The following SYNE1 variants were observed in gnomAD, a reference collection of about 807,000 sequenced individuals.
SYNE1 encodes the protein spectrin repeat containing nuclear envelope protein 1, also known as nesprin-1.
SYNE1 carries 616 observed loss-of-function variants against 1,111.0 expected under a neutral mutation model. The observed-to-expected ratio is 0.55, with a 90% CI of 0.52 to 0.59. The LOEUF is 0.59. Ranked by LOEUF, SYNE1 falls within the 20% of genes least tolerant of loss-of-function variation. SYNE1 has a pLI of 0.00. For synonymous variants in SYNE1, 3,855 were observed against 3,825.8 expected, an observed-to-expected ratio of 1.01 and a Z score of -0.28; for missense variants, 10,006 against 10,417.0, an observed-to-expected ratio of 0.96 and a Z score of 1.72.
At chr6:152,305,492 T>A (rs1282784523) in intron 91 of SYNE1, among the ~76,000 whole-genome samples, 3 of 152,156 alleles carry the variant, frequency 2.0e-5, no homozygotes, top group Admixed American at 6.5e-5. Context: ...CTCAAACTCC[T>A]GACCTTGTGA....
At chr6:152,605,249 A>C (rs1402775818) in intron 3 of SYNE1, among the ~76,000 whole-genome samples, 1 of 152,172 alleles carries the variant, frequency 6.6e-6, no homozygotes, top group East Asian at 1.9e-4. Context: ...TTTCCACTTG[A>C]ACTTATTTCT....
chr6:152,202,346 C>CAAAAAAAAAAAA (rs35563822), intron 126 of SYNE1, among the ~76,000 whole-genome samples: 3 of 48,034 alleles, frequency 6.2e-5, no homozygotes, highest in East Asian at 7.9e-4. Flanking sequence ...GACTCTGTCT[C>CAAAAAAAAAAAA]AAAAAAAAAA....
chr6:152,305,427 G>A (rs1037875685), intron 91 of SYNE1, among the ~76,000 whole-genome samples: 5 of 151,950 alleles, frequency 3.3e-5, no homozygotes, highest in Non-Finnish European at 5.9e-5. Flanking sequence ...CACCACCCAG[G>A]CTAATTTTTG....
chr6:152,436,817 C>T (rs1260997722), intron 32 of SYNE1, among the ~76,000 whole-genome samples: 1 of 152,058 alleles, frequency 6.6e-6, no homozygotes, highest in African/African-American at 2.4e-5. Context: ...GATTTCTAGG[C>T]CAATGAATAG....
intron 55 of SYNE1, among the ~76,000 whole-genome samples, chr6:152,384,387 T>G (rs1255751788): frequency 6.6e-6 from 1 of 152,070 alleles, no homozygotes; most frequent in East Asian, 1.9e-4. Context: ...GCTGAATAAA[T>G]GGATAGATGG....
At chr6:152,232,482 C>G (rs1281493171) in intron 112 of SYNE1, among the ~76,000 whole-genome samples, 2 of 152,166 alleles carry the variant, frequency 1.3e-5, no homozygotes, top group Non-Finnish European at 2.9e-5. Context: ...ATATCCAATA[C>G]TGTAAACACT....
intron 4 of SYNE1, among the ~76,000 whole-genome samples, chr6:152,535,295 A>G (rs1054553058): frequency 6.6e-6 from 1 of 152,220 alleles, no homozygotes; most frequent in African/African-American, 2.4e-5. Flanking sequence ...TTGTTACGGC[A>G]ATCCCAGCAA....
At chr6:152,460,827 T>G (rs1593172137) in intron 21 of SYNE1, among the ~76,000 whole-genome samples, 1 of 81,418 alleles carries the variant, frequency 1.2e-5, no homozygotes, top group African/African-American at 6.6e-5. Flanking sequence ...TTTTTTTTTT[T>G]TGAGACAAAG....
At chr6:152,168,391 A>G in intron 130 of SYNE1, 1 of 566,286 alleles carries the variant, frequency 1.8e-6, no homozygotes, top group South Asian at 2.3e-5. Context: ...TAAAACCTAC[A>G]TTCATTAACA....
At chr6:152,499,753 C>T (rs996582702) in intron 10 of SYNE1, among the ~76,000 whole-genome samples, 19 of 152,006 alleles carry the variant, frequency 1.2e-4, no homozygotes, top group East Asian at 3.9e-4. Context: ...TAAAAAAGGG[C>T]GAAGCTTCCA....
intron 4 of SYNE1, among the ~76,000 whole-genome samples, chr6:152,539,369 T>C (rs938664417): frequency 6.6e-6 from 1 of 152,188 alleles, no homozygotes; most frequent in Admixed American, 6.5e-5. Flanking sequence ...TATTATACTG[T>C]ATCAAGATTA....
intron 117 of SYNE1, among the ~76,000 whole-genome samples, chr6:152,222,070 TA>T (rs1425503062): frequency 2.0e-5 from 3 of 152,200 alleles, no homozygotes; most frequent in Non-Finnish European, 2.9e-5. Flanking sequence ...ATCACATATT[TA>T]CCCTAATTGG....
chr6:152,485,064 T>C (rs2098932022), intron 12 of SYNE1, 92 bp from the exon 13 acceptor site: 7 of 1,353,570 alleles, frequency 5.2e-6, no homozygotes, highest in Middle Eastern at 2.0e-4. Flanking sequence ...TCTTTTCTAT[T>C]TGGATAACAC....
At chr6:152,443,693 C>T (rs937736075) in intron 30 of SYNE1, among the ~76,000 whole-genome samples, 4 of 152,098 alleles carry the variant, frequency 2.6e-5, no homozygotes, top group Admixed American at 6.6e-5. Flanking sequence ...CACACACAAA[C>T]ATATTATATA....
chr6:152,187,401 T>C (rs1210270238), intron 128 of SYNE1, among the ~76,000 whole-genome samples: 1 of 152,088 alleles, frequency 6.6e-6, no homozygotes, highest in Non-Finnish European at 1.5e-5. Flanking sequence ...AGGATAAGCA[T>C]CTCTAAAGTC....
chr6:152,303,925 A>G (rs551651107), intron 91 of SYNE1, among the ~76,000 whole-genome samples: 2 of 151,342 alleles, frequency 1.3e-5, no homozygotes, highest in South Asian at 4.2e-4. Flanking sequence ...ACACACACAC[A>G]CATTTTGTTA....
chr6:152,402,120 A>G (rs79332217), intron 46 of SYNE1, among the ~76,000 whole-genome samples: 2,115 of 152,168 alleles, frequency 0.014, 46 homozygotes, highest in African/African-American at 0.048. Flanking sequence ...ATAGGCTCAG[A>G]CTGGCAGGAG....
In SYNE1 at chr6:152,282,098, T is replaced by A. The variant is rs1173872535; in HGVS notation, c.18208-118A>T. On this transcript the variant is annotated intron_variant, in intron 96 of 145. Transcript: ENST00000367255. ...ACATAAGAATCACTGGTAAAACTTTTAAAAATTTCCTTTGCTTAGGCCACA... is the reference window on the plus strand; with the variant it reads ...ACATAAGAATCACTGGTAAAACTTTAAAAAATTTCCTTTGCTTAGGCCACA... 5 of 1,099,398 alleles carry A rather than the reference T, an allele frequency of 4.5e-6. No individual in the cohort carries two copies. In the East Asian group the frequency reaches 7.6e-5, roughly 17 times the overall value. The allele number at this position is 1,099,398 out of a possible 1,614,324, so 68.1% of individuals were successfully genotyped here. A position where few individuals can be genotyped will look rare whatever the true frequency, so the allele number is the denominator to read the frequency against.
chr6:152,494,667 T>C (rs1050238792), intron 11 of SYNE1, among the ~76,000 whole-genome samples: 1 of 152,232 alleles, frequency 6.6e-6, no homozygotes, highest in Non-Finnish European at 1.5e-5. Context: ...TTCCATATCC[T>C]GCACCACCAT....
Sources: gnomAD v4.1 joint callset for allele counts (sites outside exome capture counted in the v4.1 genomes callset) on GRCh38, gnomAD v4.1.1 for gene constraint, MANE v1.5 for transcripts, NCBI Gene and HGNC (gene_info 2026-07-23, HGNC 2026-07-21) for gene names.